The following LBP variants were observed in gnomAD, a reference collection of about 807,000 sequenced individuals.
The protein encoded by LBP is lipopolysaccharide binding protein.
A neutral mutation model predicts 56.6 loss-of-function variants in LBP; 53 were observed. That is an observed-to-expected ratio of 0.94 (90% CI 0.75 to 1.18). The LOEUF (loss-of-function observed/expected upper bound fraction) is 1.18. LBP is among the 50% of genes most tolerant of loss of function. The pLI, the probability that LBP is intolerant of heterozygous loss-of-function variation, is 0.00. For synonymous variants in LBP, 227 were observed against 247.5 expected, an observed-to-expected ratio of 0.92 and a Z score of 0.78; for missense variants, 601 against 598.3, an observed-to-expected ratio of 1.00 and a Z score of -0.05.
At chr20:38,356,983 G>C (rs888325006) in intron 5 of LBP, among the ~76,000 whole-genome samples, 5 of 152,088 alleles carry the variant, frequency 3.3e-5, no homozygotes, top group Non-Finnish European at 4.4e-5. Context: ...AGCCTCCCGA[G>C]TATATGAGAC....
chr20:38,350,992 C>T, intron 3 of LBP, 53 bp downstream of exon 3: 1 of 1,592,998 alleles, frequency 6.3e-7, no homozygotes, highest in Non-Finnish European at 8.6e-7. Flanking sequence ...GCCTTCGCCC[C>T]ATCCTTCTTA....
chr20:38,360,956 A>T (rs545948143), intron 6 of LBP, among the ~76,000 whole-genome samples, 189 bp downstream of exon 6: 41 of 152,284 alleles, frequency 2.7e-4, no homozygotes, highest in African/African-American at 9.4e-4. Context: ...TGAGGTCAGG[A>T]GTTCGAGACC....
chr20:38,365,696 CAAAAAAAAAAAAA>C (rs1170058556), intron 8 of LBP, among the ~76,000 whole-genome samples: 2 of 103,782 alleles, frequency 1.9e-5, no homozygotes, highest in African/African-American at 6.9e-5. Context: ...GACTGCATCT[CAAAAAAAAAAAAA>C]AAAAAAAAAT....
intron 9 of LBP, among the ~76,000 whole-genome samples, chr20:38,367,184 T>C (rs1040436118): frequency 6.6e-6 from 1 of 152,196 alleles, no homozygotes; most frequent in African/African-American, 2.4e-5. Context: ...CCAGGCATGG[T>C]GGCTCATGCC....
At chr20:38,372,000 C>T (rs1309502787) in intron 12 of LBP, among the ~76,000 whole-genome samples, 2 of 152,134 alleles carry the variant, frequency 1.3e-5, no homozygotes, top group Non-Finnish European at 2.9e-5. Context: ...GAGGGTTGTT[C>T]CCTGGGGGAA....
Position 38,354,338 on chromosome 20 carries a change from C to G in LBP, c.423C>G (p.Asn141Lys). The change falls in exon 4 of 15, where the codon AAC (asparagine) becomes AAG (lysine). Residue 141 changes from asparagine (N) to lysine (K), a missense_variant. Physicochemically the swap from Asn to Lys is moderately conservative, Grantham distance 94. Coordinates refer to ENST00000217407, the MANE Select transcript of LBP (RefSeq NM_004139.5). ...VSVKGISISV[N>K]LLLGSESSGR... ...TCAAGGGCATCAGCATTTCGGTCAA[C>G]CTCCTGTTGGGCAGCGAGTCCTCCG... The G allele has an allele frequency of 6.2e-7, 1 of 1,613,884 alleles. No individual in the cohort carries two copies. The highest frequency in any genetic ancestry group is 8.5e-7 in the Non-Finnish European group (1 of 1,179,976).
At chr20:38,371,379 T>A (rs112937458) in intron 12 of LBP, 57 bp downstream of exon 12, 2 of 1,281,154 alleles carry the variant, frequency 1.6e-6, no homozygotes, top group South Asian at 1.2e-5. Flanking sequence ...GGGTGTTTCC[T>A]AAGCAATTGC....
chr20:38,373,872 T>C (rs2076908953), intron 13 of LBP, 65 bp from the exon 14 acceptor site: 1 of 1,437,262 alleles, frequency 7.0e-7, no homozygotes, highest in South Asian at 1.1e-5. Flanking sequence ...ACATTTTCGG[T>C]AAAAATCTGT....
At chr20:38,374,044 T>C in intron 14 of LBP, 31 bp downstream of exon 14, 1 of 1,602,702 alleles carries the variant, frequency 6.2e-7, no homozygotes. Context: ...TCTGAGGATG[T>C]GTGAGGGAGG....
In LBP at chr20:38,375,373, A is replaced by C. The variant is rs372310832; in HGVS notation, c.1402-1252A>C. On this transcript the variant is annotated intron_variant, in intron 14 of 14. Transcript: ENST00000217407. ...CAAGGCGGGCAGATCATGAGGTCAA[A>C]AGTTTGAGACCAGCCTGGCCAACAT... is the stretch of plus-strand genomic sequence containing the variant. Among the ~76,000 whole-genome samples, 7 of 151,792 alleles carry C rather than the reference A, an allele frequency of 4.6e-5. No individual in the cohort carries two copies. In the East Asian group the frequency reaches 9.8e-4, roughly 21 times the overall value.
Position 38,349,631 on chromosome 20 carries a change from C to A in LBP, c.208C>A (p.His70Asn), listed in dbSNP as rs749541005. ...CTTCACCGGGGACTTGAGGATCCCC[C>A]ACGTCGGCCGTGGGCGCTATGAGTT... ...PDFTGDLRIPHVGRGRYEFHS... is the reference protein window; with the variant it reads ...PDFTGDLRIPNVGRGRYEFHS... Residue 70 changes from histidine (H) to asparagine (N), a missense_variant, in exon 2 of 15, where the codon CAC becomes AAC. Coordinates refer to ENST00000217407, the MANE Select transcript of LBP (RefSeq NM_004139.5). 14 of 1,610,266 alleles carry A rather than the reference C, an allele frequency of 8.7e-6. No individual in the cohort carries two copies. The South Asian group carries it at 1.6e-4, about 18-fold the overall frequency.
intron 2 of LBP, among the ~76,000 whole-genome samples, chr20:38,349,957 A>C (rs2076814853): frequency 1.3e-5 from 2 of 152,092 alleles, no homozygotes; most frequent in Admixed American, 1.3e-4. Context: ...CTCATCCAAG[A>C]TCCAATCTGG....
chr20:38,348,664 G>A (rs748578102), intron 1 of LBP, among the ~76,000 whole-genome samples: 1 of 152,102 alleles, frequency 6.6e-6, no homozygotes, highest in Non-Finnish European at 1.5e-5. Context: ...TGCCTGCTGT[G>A]TGTCAGGCAC....
intron 8 of LBP, 135 bp downstream of exon 8, chr20:38,364,887 TG>T: frequency 1.2e-6 from 1 of 829,574 alleles, no homozygotes; most frequent in Non-Finnish European, 1.9e-6. Flanking sequence ...AAGAAAAATA[TG>T]TTAGCACAAT....
At chr20:38,368,799 G>A (rs1173535204) in intron 9 of LBP, among the ~76,000 whole-genome samples, 196 bp from the exon 10 acceptor site, 3 of 152,170 alleles carry the variant, frequency 2.0e-5, no homozygotes, top group African/African-American at 7.2e-5. Flanking sequence ...ACACAGCCGT[G>A]AAATAGATGG....
Position 38,376,692 on chromosome 20 carries a change from A to G in LBP, c.*23A>G. 6.2e-7 allele frequency: 1 copy of G among 1,607,546 alleles called. No homozygotes were observed. On this transcript the variant is annotated 3_prime_UTR_variant, in exon 15 of 15. Coordinates refer to ENST00000217407, the MANE Select transcript of LBP (RefSeq NM_004139.5). ...TGAGGACAAGAAAGATGAAGCTTGG[A>G]GGTCACAGCTGGATCTGCTTGTTGC...
intron 11 of LBP, 40 bp from the exon 12 acceptor site, chr20:38,371,240 A>C (rs768582139): frequency 1.1e-5 from 17 of 1,588,436 alleles, no homozygotes; most frequent in Non-Finnish European, 1.3e-5. Context: ...TTAAACTTGC[A>C]TAAAGCCCAC....
At chr20:38,348,838 G>A (rs1211125672) in intron 1 of LBP, among the ~76,000 whole-genome samples, 1 of 151,690 alleles carries the variant, frequency 6.6e-6, no homozygotes, top group Non-Finnish European at 1.5e-5. Context: ...CTGTCGCCCA[G>A]GCTAGAGTGC....
chr20:38,376,824 C>A lies in LBP; in HGVS notation c.*155C>A. 1.3e-6 allele frequency: 1 copy of A among 775,070 alleles called. No homozygotes were observed. Among genetic ancestry groups the A allele is most frequent in the Non-Finnish European group, 2.3e-6 (1 of 439,972 alleles). The allele number at this position is 775,070 out of a possible 1,614,324, so 48.0% of individuals were successfully genotyped here. A position where few individuals can be genotyped will look rare whatever the true frequency, so the allele number is the denominator to read the frequency against. On this transcript the variant is annotated 3_prime_UTR_variant, in exon 15 of 15. Transcript: ENST00000217407. ...TGGCCTCTGCCTCCACCCTCCTCCTCTTCACCAGGTGCATGCATGCCCTCT... is the reference window on the plus strand; with the variant it reads ...TGGCCTCTGCCTCCACCCTCCTCCTATTCACCAGGTGCATGCATGCCCTCT...
Sources: gnomAD v4.1 joint callset for allele counts (sites outside exome capture counted in the v4.1 genomes callset) on GRCh38, gnomAD v4.1.1 for gene constraint, MANE v1.5 for transcripts, NCBI Gene and HGNC (gene_info 2026-07-23, HGNC 2026-07-21) for gene names.